Variants in EMCN observed in about 807,000 individuals in gnomAD.
EMCN encodes MUC-14.
Under a neutral mutation model 38.4 loss-of-function variants are expected in EMCN, and 37 were observed. That is an observed-to-expected ratio of 0.96 (90% CI 0.74 to 1.27). The LOEUF is 1.27. Ranked by LOEUF, EMCN falls within the 50% of genes most tolerant of loss-of-function variation. The probability of loss-of-function intolerance (pLI) is 0.00; values close to 1 mark genes in which losing one functional copy is unlikely to be tolerated. For synonymous variants in EMCN, 95 were observed against 100.8 expected (o/e 0.94, Z 0.35); for missense variants, 318 against 302.8 (o/e 1.05, Z -0.37).
intron 11 of EMCN, among the ~76,000 whole-genome samples, chr4:100,402,149 C>T (rs1240600303): frequency 6.6e-6 from 1 of 152,066 alleles, no homozygotes; most frequent in South Asian, 2.1e-4. Flanking sequence ...TGATTTCATG[C>T]TCCCACGAAG....
At chr4:100,437,460 T>TCA (rs1553928205) in intron 5 of EMCN, among the ~76,000 whole-genome samples, 4,689 of 150,378 alleles carry the variant, frequency 0.031, 259 homozygotes, top group African/African-American at 0.11. Context: ...TGGTCTGATA[T>TCA]AAAAAAAAAA....
At chr4:100,430,821 T>C (rs1430375911) in intron 5 of EMCN, among the ~76,000 whole-genome samples, 4 of 152,194 alleles carry the variant, frequency 2.6e-5, no homozygotes, top group Non-Finnish European at 5.9e-5. Flanking sequence ...ATATTTCTTA[T>C]TCCATAATTG....
At chr4:100,423,473 T>C in intron 5 of EMCN, 69 bp from the exon 6 acceptor site, 1 of 1,094,862 alleles carries the variant, frequency 9.1e-7, no homozygotes, top group Non-Finnish European at 1.4e-6. Flanking sequence ...TCTTTGCAGA[T>C]TCAAACAGTT....
chr4:100,492,156 A>G (rs1021193255), intron 1 of EMCN, among the ~76,000 whole-genome samples: 2 of 152,206 alleles, frequency 1.3e-5, no homozygotes, highest in African/African-American at 2.4e-5. Context: ...AAATTAATAC[A>G]CAAACATTAA....
intron 1 of EMCN, among the ~76,000 whole-genome samples, chr4:100,500,793 C>T (rs1403145812): frequency 6.6e-6 from 1 of 152,048 alleles, no homozygotes; most frequent in African/African-American, 2.4e-5. Flanking sequence ...AATTGATAGA[C>T]ATTTGAGCTG....
intron 10 of EMCN, among the ~76,000 whole-genome samples, chr4:100,415,616 G>T (rs1436716369): frequency 6.6e-6 from 1 of 152,004 alleles, no homozygotes; most frequent in Non-Finnish European, 1.5e-5. Context: ...AACAAATTTT[G>T]GTATCTTTCT....
At chr4:100,433,449 G>A (rs1727257842) in intron 5 of EMCN, among the ~76,000 whole-genome samples, 1 of 151,736 alleles carries the variant, frequency 6.6e-6, no homozygotes, top group African/African-American at 2.4e-5. Context: ...ATATCCTCTG[G>A]GTATATGCCC....
At chr4:100,458,990 A>C (rs546334617) in intron 4 of EMCN, among the ~76,000 whole-genome samples, 1 of 152,064 alleles carries the variant, frequency 6.6e-6, no homozygotes, top group South Asian at 2.1e-4. Context: ...TTCACTGTTG[A>C]GTTAGAGAAG....
At chr4:100,512,707 G>A (rs1338534529) in intron 1 of EMCN, among the ~76,000 whole-genome samples, 1 of 151,738 alleles carries the variant, frequency 6.6e-6, no homozygotes, top group African/African-American at 2.4e-5. Flanking sequence ...TTGGGAGGCT[G>A]AGGCAGGAGA....
chr4:100,433,009 A>G (rs867452614), intron 5 of EMCN, among the ~76,000 whole-genome samples: 1 of 152,180 alleles, frequency 6.6e-6, no homozygotes, highest in Non-Finnish European at 1.5e-5. Context: ...CTCATTTAGC[A>G]TGAATCCCAA....
chr4:100,459,567 T>G (rs1728118549), intron 4 of EMCN, among the ~76,000 whole-genome samples: 1 of 152,072 alleles, frequency 6.6e-6, no homozygotes, highest in Admixed American at 6.5e-5. Flanking sequence ...CATCTTCTCA[T>G]TCCCACCCTA....
intron 1 of EMCN, among the ~76,000 whole-genome samples, chr4:100,514,942 G>A (rs1029850761): frequency 2.0e-5 from 3 of 151,910 alleles, no homozygotes; most frequent in Non-Finnish European, 2.9e-5. Flanking sequence ...CCACTTCTAC[G>A]GTGAGGGTTA....
chr4:100,410,460 C>A, intron 10 of EMCN, 105 bp from the exon 11 acceptor site: 1 of 1,141,180 alleles, frequency 8.8e-7, no homozygotes, highest in Non-Finnish European at 1.3e-6. Flanking sequence ...TTCAACTTTC[C>A]TGCAAGAATG....
intron 11 of EMCN, among the ~76,000 whole-genome samples, chr4:100,406,120 C>T (rs905263239): frequency 6.6e-6 from 1 of 151,894 alleles, no homozygotes; most frequent in Middle Eastern, 3.4e-3. Context: ...TTATTTGGAT[C>T]TTCTCTTTTT....
chr4:100,444,439 G>A (rs912799642), intron 5 of EMCN, among the ~76,000 whole-genome samples: 2 of 152,156 alleles, frequency 1.3e-5, no homozygotes, highest in Non-Finnish European at 2.9e-5. Flanking sequence ...TCTAGTGTAA[G>A]TCTGTGATCC....
Position 100,415,943 on chromosome 4 carries a change from C to T in EMCN, c.706G>A (p.Glu236Lys), listed in dbSNP as rs562407605. 2.0e-5 allele frequency: 32 copies of T among 1,590,702 alleles called. No homozygotes were observed. In the Admixed American group the frequency reaches 2.9e-4, roughly 14 times the overall value. Residue 236 changes from glutamate (E) to lysine (K), a missense_variant, in exon 10 of 12, where the codon GAG becomes AAG. Glu to Lys is a moderately conservative substitution (Grantham distance 56). Transcript: ENST00000296420. The part of the protein sequence containing the change: ...NGNDQPQSDK[E>K]SVKLLTVKTI... ...TTAACGGTAAGAAGCTTCACGCTCT[C>T]TTTATCAGACTGAGGTCTATTTGAA...
chr4:100,402,825 C>A (rs1726292036), intron 11 of EMCN, among the ~76,000 whole-genome samples: 1 of 151,606 alleles, frequency 6.6e-6, no homozygotes, highest in Admixed American at 6.6e-5. Context: ...TTTCTTTTTT[C>A]TTTTTTTTCC....
chr4:100,409,600 G>T (rs1726493008), intron 11 of EMCN, among the ~76,000 whole-genome samples: 1 of 152,166 alleles, frequency 6.6e-6, no homozygotes, highest in South Asian at 2.1e-4. Flanking sequence ...GGGCTCTGTT[G>T]CTTGGCTGGT....
At chr4:100,428,177 A>G (rs1329716423) in intron 5 of EMCN, among the ~76,000 whole-genome samples, 2 of 152,116 alleles carry the variant, frequency 1.3e-5, no homozygotes, top group African/African-American at 2.4e-5. Flanking sequence ...TAGCCCACAA[A>G]ACCCTAGGTA....
Sources: gnomAD v4.1 joint callset for allele counts (sites outside exome capture counted in the v4.1 genomes callset) on GRCh38, gnomAD v4.1.1 for gene constraint, MANE v1.5 for transcripts, NCBI Gene and HGNC (gene_info 2026-07-23, HGNC 2026-07-21) for gene names.